The following KIZ variants were observed in gnomAD, a reference collection of about 807,000 sequenced individuals.
KIZ encodes the protein centrosomal protein kizuna.
A neutral mutation model predicts 79.6 loss-of-function variants in KIZ; 68 were observed. The ratio of observed to expected loss-of-function variants is 0.85; its 90% CI spans 0.70 to 1.05. KIZ has a LOEUF of 1.05. Ranked by LOEUF, KIZ falls within the 50% of genes least tolerant of loss-of-function variation. The probability of loss-of-function intolerance (pLI) is 0.00; values close to 1 mark genes in which losing one functional copy is unlikely to be tolerated. For synonymous variants in KIZ, 280 were observed against 281.8 expected (o/e 0.99, Z 0.06); for missense variants, 797 against 800.4 (o/e 1.00, Z 0.05).
chr20:21,132,479 C>G (rs570390149), intron 2 of KIZ, among the ~76,000 whole-genome samples: 1 of 152,256 alleles, frequency 6.6e-6, no homozygotes, highest in East Asian at 1.9e-4. Context: ...CTGGGTTTCA[C>G]CATGCTGGCC....
intron 6 of KIZ, chr20:21,194,294 T>A (rs2035245281): frequency 6.6e-6 from 1 of 152,194 alleles, no homozygotes; most frequent in Non-Finnish European, 1.5e-5. Flanking sequence ...AGGGCTAGCA[T>A]GTTGGTGCCA....
At position 21,178,295 on chromosome 20, in the gene KIZ, C is replaced by T. The variant is rs149785617; in HGVS notation, c.1352+15136C>T. 2.6e-5 allele frequency among the ~76,000 whole-genome samples: 4 copies of T among 152,012 alleles called. No individual in the cohort carries two copies. The East Asian group carries it at 7.7e-4, about 29-fold the overall frequency. The stretch of plus-strand genomic sequence containing the variant: ...TTTTAGCATGGAAGTCTTGTACCTC[C>T]TTAATTAAGTTTATTTCTAAGTATT... On this transcript the variant is annotated intron_variant, in intron 6 of 12. Coordinates refer to ENST00000619189, the MANE Select transcript of KIZ (RefSeq NM_018474.6).
chr20:21,200,917 C>T (rs536567374), intron 6 of KIZ, among the ~76,000 whole-genome samples: 3 of 152,254 alleles, frequency 2.0e-5, no homozygotes, highest in South Asian at 2.1e-4. Context: ...AGGTGGCTAA[C>T]GCCTGTAATA....
At chr20:21,181,751 A>G (rs531932763) in intron 6 of KIZ, among the ~76,000 whole-genome samples, 10 of 152,190 alleles carry the variant, frequency 6.6e-5, no homozygotes, top group African/African-American at 2.4e-4. Flanking sequence ...GAGCCACTGC[A>G]CCTGGCTTCT....
chr20:21,195,565 G>A (rs2035305609), intron 6 of KIZ: 1 of 152,234 alleles, frequency 6.6e-6, no homozygotes, highest in Non-Finnish European at 1.5e-5. Flanking sequence ...CTTGCTCCAG[G>A]TTTGCATCCT....
intron 6 of KIZ, chr20:21,202,214 TAATTTCA>T (rs201334798): frequency 2.6e-5 from 4 of 152,350 alleles, no homozygotes; most frequent in South Asian, 4.1e-4. Context: ...TGTTCTTTGA[TAATTTCA>T]CTCACTTAGC....
intron 12 of KIZ, chr20:21,245,300 C>T (rs1034895954): frequency 6.6e-6 from 1 of 152,152 alleles, no homozygotes; most frequent in Non-Finnish European, 1.5e-5. Context: ...TCTAGAAGGA[C>T]AGCTACCTAC....
intron 6 of KIZ, chr20:21,194,845 A>T (rs1234358247): frequency 6.6e-6 from 1 of 152,028 alleles, no homozygotes; most frequent in Non-Finnish European, 1.5e-5. Context: ...AAAAAAAAAA[A>T]TACTGTAAAG....
intron 4 of KIZ, among the ~76,000 whole-genome samples, chr20:21,147,961 T>TTGTGTATG (rs1555874721): frequency 7.1e-6 from 1 of 141,036 alleles, no homozygotes; most frequent in Non-Finnish European, 1.5e-5. Context: ...CTCCTGGAAT[T>TTGTGTATG]TGTGTGTGTG....
chr20:21,206,871 G>C (rs1336905956), intron 7 of KIZ, among the ~76,000 whole-genome samples: 1 of 152,124 alleles, frequency 6.6e-6, no homozygotes, highest in Non-Finnish European at 1.5e-5. Context: ...ACAGAAAATG[G>C]AAATGGATGG....
At chr20:21,198,982 G>A (rs200367083) in intron 6 of KIZ, among the ~76,000 whole-genome samples, 3 of 152,140 alleles carry the variant, frequency 2.0e-5, no homozygotes, top group South Asian at 4.2e-4. Flanking sequence ...TTAATCTCCC[G>A]TTTCTTTCTC....
At chr20:21,189,251 A>G (rs1284972099) in intron 6 of KIZ, among the ~76,000 whole-genome samples, 1 of 152,162 alleles carries the variant, frequency 6.6e-6, no homozygotes, top group Non-Finnish European at 1.5e-5. Context: ...AATTTTCCCA[A>G]TCTTTACCTG....
intron 2 of KIZ, among the ~76,000 whole-genome samples, chr20:21,134,588 C>T (rs1378172591): frequency 6.6e-6 from 1 of 151,978 alleles, no homozygotes; most frequent in East Asian, 1.9e-4. Context: ...TGTTCCCCCA[C>T]CTGGAATGTT....
intron 6 of KIZ, among the ~76,000 whole-genome samples, chr20:21,172,616 T>A (rs1051714302): frequency 1.3e-5 from 2 of 151,840 alleles, no homozygotes; most frequent in African/African-American, 4.8e-5. Flanking sequence ...AAAAGTATTA[T>A]GATGAAGAAT....
intron 3 of KIZ, among the ~76,000 whole-genome samples, chr20:21,140,512 T>C (rs2032457013): frequency 6.6e-6 from 1 of 152,208 alleles, no homozygotes; most frequent in Non-Finnish European, 1.5e-5. Context: ...AGCTAAATAC[T>C]GAAAACACTG....
At chr20:21,182,714 T>C (rs752038896) in intron 6 of KIZ, among the ~76,000 whole-genome samples, 5 of 151,260 alleles carry the variant, frequency 3.3e-5, no homozygotes, top group Non-Finnish European at 7.4e-5. Flanking sequence ...TGAGAATCAC[T>C]TGAACCCGGG....
intron 6 of KIZ, among the ~76,000 whole-genome samples, chr20:21,187,737 A>T (rs1035623607): frequency 6.6e-6 from 1 of 152,222 alleles, no homozygotes; most frequent in Admixed American, 6.5e-5. Flanking sequence ...CCTCACAAAG[A>T]TAATTCTACC....
chr20:21,232,717 G>A lies in KIZ; in HGVS notation c.1784-17G>A. Reference sequence around the variant, plus strand: ...ATGACAGCTAACCCTCACTCTCCATGTTTACGCTTATCACAGGTTTGAATA... The same window carrying A: ...ATGACAGCTAACCCTCACTCTCCATATTTACGCTTATCACAGGTTTGAATA... On this transcript the variant is annotated splice_polypyrimidine_tract_variant and intron_variant, in intron 10 of 12. Transcript: ENST00000619189. The A allele has an allele frequency of 5.0e-6, 7 of 1,396,032 alleles. No individual in the cohort carries two copies. The highest frequency in any genetic ancestry group is 7.0e-6 in the Non-Finnish European group (7 of 994,276). The allele number at this position is 1,396,032 out of a possible 1,614,324, so 86.5% of individuals were successfully genotyped here.
chr20:21,185,980 C>T (rs1181255158), intron 6 of KIZ, among the ~76,000 whole-genome samples: 1 of 151,910 alleles, frequency 6.6e-6, no homozygotes, highest in Admixed American at 6.6e-5. Context: ...ATATAGTTTG[C>T]CTACTAGAAG....
Sources: allele counts gnomAD v4.1 joint callset (sites outside exome capture counted in the v4.1 genomes callset), GRCh38; gene constraint gnomAD v4.1.1; transcripts MANE v1.5; gene names NCBI Gene and HGNC (gene_info 2026-07-23, HGNC 2026-07-21).